The following ADGRG2 variants were observed in gnomAD, a reference collection of about 807,000 sequenced individuals.
The protein encoded by ADGRG2 is G protein-coupled receptor 64.
ADGRG2 carries 26 observed loss-of-function variants against 74.1 expected under a neutral mutation model. That is an observed-to-expected ratio of 0.35 (90% CI 0.26 to 0.49). The LOEUF is 0.49. ADGRG2 is among the 20% of genes least tolerant of loss of function. The pLI is 0.99. For synonymous variants in ADGRG2, 296 were observed against 295.2 expected (o/e 1.00, Z -0.03); for missense variants, 619 against 763.1 (o/e 0.81, Z 2.22).
intron 3 of ADGRG2, among the ~76,000 whole-genome samples, chrX:19,052,055 C>T (rs1478690635): frequency 3.6e-5 from 4 of 112,020 alleles, no homozygotes; most frequent in African/African-American, 1.3e-4. Context: ...ATTGAATACC[C>T]ACTATATCTG....
At chrX:19,015,753 C>A (rs2060455914) in intron 15 of ADGRG2, among the ~76,000 whole-genome samples, 2 of 111,957 alleles carry the variant, frequency 1.8e-5, no homozygotes, top group Admixed American at 1.9e-4. Context: ...ACAACCTTCA[C>A]TAGGGCTCCA....
chrX:19,044,186 T>A (rs1004031542), intron 3 of ADGRG2, among the ~76,000 whole-genome samples: 5 of 111,575 alleles, frequency 4.5e-5, no homozygotes, highest in Non-Finnish European at 9.4e-5. Context: ...AGAATTCAGA[T>A]CCTTGTGGTT....
At chrX:19,054,538 G>C (rs1356260615) in intron 3 of ADGRG2, among the ~76,000 whole-genome samples, 1 of 112,166 alleles carries the variant, frequency 8.9e-6, no homozygotes, top group African/African-American at 3.2e-5. Flanking sequence ...ACCACTCAAA[G>C]ATAACGTTAG....
chrX:19,044,956 T>A (rs950546620), intron 3 of ADGRG2, among the ~76,000 whole-genome samples: 1 of 111,953 alleles, frequency 8.9e-6, no homozygotes, highest in Non-Finnish European at 1.9e-5. Context: ...CTGAGATGGA[T>A]CGATTATCCT....
rs1253982232 is a variant in ADGRG2 at position 19,065,283 on chromosome X, AAAGTAAAG to A, written c.118+3426_118+3433del. Among the ~76,000 whole-genome samples the A allele has an allele frequency of 1.8e-3, 182 of 103,090 alleles. 2 individuals are homozygous for A. Among genetic ancestry groups the A allele is most frequent in the African/African-American group, 6.2e-3 (176 of 28,301 alleles). 89.5% of individuals were successfully genotyped at this position (103,090 alleles called of 115,157 possible). A position where few individuals can be genotyped will look rare whatever the true frequency, so the allele number is the denominator to read the frequency against. On this transcript the variant is annotated intron_variant, in intron 3 of 28. Coordinates refer to ENST00000379869, the MANE Select transcript of ADGRG2 (RefSeq NM_001079858.3). The stretch of plus-strand genomic sequence containing the variant: ...TCTCAAAAAAAAAAAAAAAAAAAAA[AAAGTAAAG>A]AAAAGAAAGAAAAAGAAAAAAACAA...
chrX:19,043,084 G>A (rs777136574), intron 3 of ADGRG2, among the ~76,000 whole-genome samples: 12 of 111,583 alleles, frequency 1.1e-4, no homozygotes, highest in African/African-American at 3.6e-4. Context: ...TGACAGGAAA[G>A]ACAGCGGTCT....
chrX:18,992,429 A>G (rs2148075852), intron 28 of ADGRG2, among the ~76,000 whole-genome samples: 1 of 111,939 alleles, frequency 8.9e-6, no homozygotes, highest in South Asian at 3.7e-4. Flanking sequence ...AGCTGGGACT[A>G]CAGGTGTGTG....
intron 1 of ADGRG2, among the ~76,000 whole-genome samples, chrX:19,106,493 TTG>T (rs199616929): frequency 3.9e-4 from 42 of 106,609 alleles, no homozygotes; most frequent in Non-Finnish European, 4.1e-4. Context: ...TAGTGTGTGT[TTG>T]TGTGTGTGTG....
chrX:19,048,627 T>G (rs761829043), intron 3 of ADGRG2, among the ~76,000 whole-genome samples: 1 of 111,832 alleles, frequency 8.9e-6, no homozygotes, highest in East Asian at 2.8e-4. Flanking sequence ...AATGAGAGCC[T>G]TGAAATTAAC....
At chrX:19,073,003 T>C (rs776500327) in intron 2 of ADGRG2, among the ~76,000 whole-genome samples, 1 of 112,233 alleles carries the variant, frequency 8.9e-6, no homozygotes, top group Admixed American at 9.5e-5. Context: ...AAATCTCATG[T>C]TGAATGTTGG....
chrX:19,030,798 G>A (rs995157007), intron 9 of ADGRG2, among the ~76,000 whole-genome samples, 186 bp downstream of exon 9: 3 of 111,991 alleles, frequency 2.7e-5, no homozygotes, highest in Non-Finnish European at 3.8e-5. Context: ...ACTAGGCAAC[G>A]GGAAGATAAT....
At chrX:19,119,627 C>T (rs2062579680) in intron 1 of ADGRG2, among the ~76,000 whole-genome samples, 1 of 111,518 alleles carries the variant, frequency 9.0e-6, no homozygotes, top group Non-Finnish European at 1.9e-5. Context: ...CGACTTGGCA[C>T]GCTCAGGCAG....
At position 19,023,460 on chromosome X, in the gene ADGRG2, CA is replaced by C. The variant is rs1569385910; in HGVS notation, c.511-8del. 2 of 1,075,211 alleles carry C rather than the reference CA, an allele frequency of 1.9e-6. No homozygotes were observed. The highest frequency in any genetic ancestry group is 3.0e-5 in the East Asian group (1 of 33,005). 88.6% of individuals were successfully genotyped at this position (1,075,211 alleles called of 1,213,427 possible). ...CACACATTATAAAGTAAGTCTGAAA[CA>C]AAACAAAAAACACGTATACACATAT... On this transcript the variant is annotated splice_polypyrimidine_tract_variant and splice_region_variant and intron_variant, in intron 12 of 28. Coordinates refer to ENST00000379869, the MANE Select transcript of ADGRG2 (RefSeq NM_001079858.3).
chrX:19,024,879 C>T (rs1042742254), intron 11 of ADGRG2, among the ~76,000 whole-genome samples: 4 of 112,463 alleles, frequency 3.6e-5, no homozygotes, highest in African/African-American at 1.3e-4. Context: ...ACCTCCTGGG[C>T]TCAAGCGATC....
intron 6 of ADGRG2, among the ~76,000 whole-genome samples, chrX:19,036,622 C>CAT (rs2060947532): frequency 9.3e-6 from 1 of 107,568 alleles, no homozygotes; most frequent in Non-Finnish European, 1.9e-5. Context: ...TTAAAACACA[C>CAT]ACACACACAC....
At chrX:19,107,935 C>T (rs1260845439) in intron 1 of ADGRG2, among the ~76,000 whole-genome samples, 5 of 105,996 alleles carry the variant, frequency 4.7e-5, no homozygotes, top group Non-Finnish European at 1.9e-5. Flanking sequence ...CCAGTCTCTA[C>T]TAAAAATACA....
intron 15 of ADGRG2, among the ~76,000 whole-genome samples, chrX:19,018,850 CT>C (rs771086790): frequency 5.8e-4 from 63 of 108,666 alleles, no homozygotes; most frequent in African/African-American, 1.8e-3. Context: ...ATATGAAGTA[CT>C]TTTTTTTTTG....
At chrX:19,048,054 G>A (rs1277403149) in intron 3 of ADGRG2, among the ~76,000 whole-genome samples, 1 of 111,004 alleles carries the variant, frequency 9.0e-6, no homozygotes, top group African/African-American at 3.3e-5. Context: ...AAGGTGAAAT[G>A]TGTTCTTGAG....
At chrX:19,105,964 A>AAGGTAACT (rs1975611077) in intron 1 of ADGRG2, among the ~76,000 whole-genome samples, 1 of 106,431 alleles carries the variant, frequency 9.4e-6, no homozygotes, top group African/African-American at 3.4e-5. Flanking sequence ...GAAGAAGAAG[A>AAGGTAACT]AGGTAACTCT....
Sources: allele counts gnomAD v4.1 joint callset (sites outside exome capture counted in the v4.1 genomes callset), GRCh38; gene constraint gnomAD v4.1.1; transcripts MANE v1.5; gene names NCBI Gene and HGNC (gene_info 2026-07-23, HGNC 2026-07-21).